CCDC91: variants seen among roughly 807,000 people sequenced by gnomAD.
The protein encoded by CCDC91 is coiled-coil domain containing 91.
In CCDC91, 48 loss-of-function variants were observed where a neutral mutation model predicts 63.2. The observed-to-expected ratio is 0.76, with a 90% CI of 0.60 to 0.97. The LOEUF is 0.97. Ranked by LOEUF, CCDC91 falls within the 50% of genes least tolerant of loss-of-function variation. The pLI is 0.00. For missense variants in CCDC91, 500 were observed against 494.6 expected (o/e 1.01, Z -0.10); for synonymous variants, 167 against 165.8 (o/e 1.01, Z -0.06).
At chr12:28,246,193 T>G (rs942893760) in intron 1 of CCDC91, among the ~76,000 whole-genome samples, 10 of 152,132 alleles carry the variant, frequency 6.6e-5, no homozygotes, top group African/African-American at 2.4e-4. Flanking sequence ...TAATATGCTT[T>G]TTGGTAGTAA....
chr12:28,280,185 C>A (rs1326975380), intron 3 of CCDC91, among the ~76,000 whole-genome samples: 2 of 152,072 alleles, frequency 1.3e-5, no homozygotes, highest in East Asian at 3.9e-4. Flanking sequence ...AACTAGCAGT[C>A]ATGCTTGTAT....
At chr12:28,497,706 T>C (rs1952383601) in intron 12 of CCDC91, among the ~76,000 whole-genome samples, 1 of 151,618 alleles carries the variant, frequency 6.6e-6, no homozygotes, top group African/African-American at 2.4e-5. Flanking sequence ...TTTGCATGTA[T>C]AATGTGATTA....
intron 1 of CCDC91, among the ~76,000 whole-genome samples, chr12:28,251,879 C>T (rs1946139926): frequency 6.6e-6 from 1 of 151,988 alleles, no homozygotes; most frequent in African/African-American, 2.4e-5. Flanking sequence ...GGGAGAAATC[C>T]CTTTGCTTTT....
chr12:28,535,992 G>A (rs1417830926), intron 12 of CCDC91, among the ~76,000 whole-genome samples: 1 of 150,854 alleles, frequency 6.6e-6, no homozygotes, highest in Non-Finnish European at 1.5e-5. Flanking sequence ...TAGCACCACT[G>A]CATTCCAGCG....
chr12:28,315,151 T>TTG (rs146532939), intron 6 of CCDC91, among the ~76,000 whole-genome samples: 29,023 of 123,776 alleles, frequency 0.23, 3,623 homozygotes, highest in Non-Finnish European at 0.35. Flanking sequence ...AATGTGTCAG[T>TTG]TGTATATATA....
At chr12:28,314,785 A>G (rs1939672360) in intron 6 of CCDC91, among the ~76,000 whole-genome samples, 1 of 151,988 alleles carries the variant, frequency 6.6e-6, no homozygotes, top group South Asian at 2.1e-4. Flanking sequence ...TTTTAGTAGT[A>G]TATTTTAGAT....
At chr12:28,268,508 A>T (rs964906922) in intron 3 of CCDC91, 4 of 213,032 alleles carry the variant, frequency 1.9e-5, no homozygotes, top group Admixed American at 6.5e-5. Context: ...AAACTGACAG[A>T]CTGTTCTATA....
At chr12:28,402,715 C>G (rs1251177501) in intron 8 of CCDC91, among the ~76,000 whole-genome samples, 1 of 151,900 alleles carries the variant, frequency 6.6e-6, no homozygotes, top group Non-Finnish European at 1.5e-5. Context: ...GAATACTTGC[C>G]TTATTCCTGA....
At chr12:28,406,260 C>T (rs1487559588) in intron 8 of CCDC91, among the ~76,000 whole-genome samples, 4 of 149,454 alleles carry the variant, frequency 2.7e-5, no homozygotes, top group African/African-American at 5.0e-5. Flanking sequence ...ACATTTCTTG[C>T]GAGCCTGTTC....
intron 12 of CCDC91, among the ~76,000 whole-genome samples, chr12:28,518,381 A>G (rs1940193581): frequency 6.6e-6 from 1 of 151,984 alleles, no homozygotes; most frequent in South Asian, 2.1e-4. Flanking sequence ...CCTGATCATT[A>G]GTGATGTTGA....
chr12:28,305,927 GA>G lies in CCDC91; in HGVS notation c.267+122del. ...GTCTAAAAGAAGTATTTCTGCAATAGATATTCTAATTTTGAGGCTAATACTT... is the reference window on the plus strand; with the variant it reads ...GTCTAAAAGAAGTATTTCTGCAATAGTATTCTAATTTTGAGGCTAATACTT... On this transcript the variant is annotated intron_variant, in intron 4 of 12. Transcript: ENST00000536442. The G allele has an allele frequency of 3.8e-6, 3 of 790,290 alleles. No individual in the cohort carries two copies. In the South Asian group the frequency reaches 6.2e-5, roughly 16 times the overall value. 49.0% of individuals were successfully genotyped at this position (790,290 alleles called of 1,614,324 possible).
chr12:28,530,596 C>T (rs1023037520), intron 12 of CCDC91, among the ~76,000 whole-genome samples: 6 of 152,130 alleles, frequency 3.9e-5, no homozygotes, highest in Admixed American at 3.9e-4. Flanking sequence ...CTCCTATACT[C>T]AGAGTGGATA....
chr12:28,378,802 G>A (rs1312031759), intron 7 of CCDC91, among the ~76,000 whole-genome samples: 1 of 152,032 alleles, frequency 6.6e-6, no homozygotes, highest in African/African-American at 2.4e-5. Context: ...CTAGTGATTG[G>A]TTTGGAGCTA....
chr12:28,543,482 G>T (rs1942776189), intron 12 of CCDC91, among the ~76,000 whole-genome samples: 1 of 152,014 alleles, frequency 6.6e-6, no homozygotes, highest in South Asian at 2.1e-4. Context: ...GCAGAAAAGA[G>T]CGATGGGGAA....
intron 12 of CCDC91, among the ~76,000 whole-genome samples, chr12:28,507,787 A>T (rs1938914905): frequency 2.6e-5 from 4 of 151,900 alleles, no homozygotes; most frequent in Admixed American, 2.6e-4. Flanking sequence ...TGTGATAGAG[A>T]TTCATGTGCA....
At chr12:28,264,662 A>G (rs1947072731) in intron 3 of CCDC91, among the ~76,000 whole-genome samples, 1 of 145,324 alleles carries the variant, frequency 6.9e-6, no homozygotes, top group Admixed American at 7.0e-5. Flanking sequence ...TAAATTCTTT[A>G]CCTGTACTGA....
intron 3 of CCDC91, among the ~76,000 whole-genome samples, chr12:28,298,883 C>CT (rs1314656692): frequency 6.6e-6 from 1 of 151,350 alleles, no homozygotes; most frequent in Admixed American, 6.6e-5. Context: ...AATTTTGTCT[C>CT]TAAGATTCAG....
intron 6 of CCDC91, among the ~76,000 whole-genome samples, chr12:28,318,559 A>G (rs1940155879): frequency 6.6e-6 from 1 of 151,898 alleles, no homozygotes; most frequent in Admixed American, 6.6e-5. Flanking sequence ...TTTCTTTTTC[A>G]ATTATTTGTT....
Position 28,549,569 on chromosome 12 carries a change from A to G in CCDC91, c.*396A>G, listed in dbSNP as rs1943205724. 1 of 152,702 alleles carries G rather than the reference A, an allele frequency of 6.5e-6. No homozygotes were observed. The highest frequency in any genetic ancestry group is 2.4e-5 in the African/African-American group (1 of 41,454). 9.5% of individuals were successfully genotyped at this position (152,702 alleles called of 1,614,324 possible). On this transcript the variant is annotated 3_prime_UTR_variant, in exon 13 of 13. Coordinates refer to ENST00000536442, the MANE Select transcript of CCDC91 (RefSeq NM_018318.5). ...ATGAGATGCTAGAATGTAACCATAC[A>G]TTTATCTTATTTTGAGGATAGAAAT...
Sources: allele counts gnomAD v4.1 joint callset (sites outside exome capture counted in the v4.1 genomes callset), GRCh38; gene constraint gnomAD v4.1.1; transcripts MANE v1.5; gene names NCBI Gene and HGNC (gene_info 2026-07-23, HGNC 2026-07-21).